NTM: variants seen among roughly 807,000 people sequenced by gnomAD.
The protein encoded by NTM is neurotrimin.
Under a neutral mutation model 42.1 loss-of-function variants are expected in NTM, and 13 were observed. The ratio of observed to expected loss-of-function variants is 0.31; its 90% CI spans 0.20 to 0.49. NTM has a LOEUF of 0.49. Ranked by LOEUF, NTM falls within the 20% of genes least tolerant of loss-of-function variation. NTM has a pLI of 0.99. For missense variants in NTM, 373 were observed against 452.8 expected, an observed-to-expected ratio of 0.82 and a Z score of 1.60; for synonymous variants, 187 against 179.2, an observed-to-expected ratio of 1.04 and a Z score of -0.35.
At chr11:131,477,876 A>G (rs183112173) in intron 1 of NTM, among the ~76,000 whole-genome samples, 269 of 151,052 alleles carry the variant, frequency 1.8e-3, no homozygotes, top group African/African-American at 6.3e-3. Flanking sequence ...CCTTACCTAC[A>G]ACGTTTAGCA....
chr11:132,039,746 A>G (rs2076951458), intron 2 of NTM, among the ~76,000 whole-genome samples: 1 of 152,306 alleles, frequency 6.6e-6, no homozygotes, highest in African/African-American at 2.4e-5. Context: ...ATAAGACAGC[A>G]GCAGGAATGT....
At chr11:131,845,603 G>A (rs930307582) in intron 1 of NTM, among the ~76,000 whole-genome samples, 1 of 150,732 alleles carries the variant, frequency 6.6e-6, no homozygotes, top group African/African-American at 2.4e-5. Context: ...TACCAGAGGC[G>A]AATCCATTCA....
intron 4 of NTM, among the ~76,000 whole-genome samples, chr11:132,257,229 G>A (rs1441944046): frequency 1.3e-5 from 2 of 152,212 alleles, no homozygotes; most frequent in Admixed American, 1.3e-4. Context: ...AGGGCATGGA[G>A]GAGAATCTTT....
chr11:131,965,427 C>T (rs562273895), intron 2 of NTM, among the ~76,000 whole-genome samples: 22 of 152,272 alleles, frequency 1.4e-4, no homozygotes, highest in Admixed American at 4.6e-4. Flanking sequence ...ATTGGAGGCA[C>T]ATAAAAGGGA....
At chr11:131,794,362 T>C in intron 1 of NTM, 1 of 361,036 alleles carries the variant, frequency 2.8e-6, no homozygotes, top group Non-Finnish European at 3.9e-6. Flanking sequence ...GTGATCCTCA[T>C]GTAATTGATC....
chr11:131,807,826 T>C (rs945391629), intron 1 of NTM, among the ~76,000 whole-genome samples: 7 of 152,238 alleles, frequency 4.6e-5, no homozygotes, highest in Admixed American at 3.3e-4. Context: ...CATGATCATA[T>C]ATGAAGTTAT....
chr11:131,497,857 T>C (rs1279516790), intron 1 of NTM, among the ~76,000 whole-genome samples: 2 of 152,242 alleles, frequency 1.3e-5, no homozygotes. Context: ...TAGTCATCCT[T>C]AGTCACCTGT....
intron 2 of NTM, among the ~76,000 whole-genome samples, chr11:132,127,817 G>T (rs2066108217): frequency 6.6e-6 from 1 of 152,194 alleles, no homozygotes; most frequent in Non-Finnish European, 1.5e-5. Context: ...TGAAGAAGTT[G>T]CTATTAATAG....
Position 132,146,351 on chromosome 11 carries a change from T to A in NTM, c.237T>A (p.Asn79Lys), listed in dbSNP as rs1395485338. The change falls in exon 3 of 9, where the codon AAT becomes AAA. Residue 79 changes from asparagine (N) to lysine (K), a missense_variant. This residue lies in a region of NTM where 312 missense variants were observed against 353.5 expected (regional missense o/e 0.88). Transcript: ENST00000683400. This position sits in a 1 kb window ranked among gnomAD's most constrained non-coding sequence, Gnocchi z 4.5. Reference sequence around the variant, plus strand: ...GCAGCACCATCCTCTATGCTGGGAATGACAAGTGGTGCCTGGATCCTCGCG... The same window carrying A: ...GCAGCACCATCCTCTATGCTGGGAAAGACAAGTGGTGCCTGGATCCTCGCG... ...LNRSTILYAGNDKWCLDPRVV... is the reference protein window; with the variant it reads ...LNRSTILYAGKDKWCLDPRVV... 6.2e-7 allele frequency: 1 copy of A among 1,614,166 alleles called. No homozygotes were observed. The highest frequency in any genetic ancestry group is 2.2e-5 in the East Asian group (1 of 44,868).
chr11:131,695,676 T>C (rs2075359392), intron 1 of NTM, among the ~76,000 whole-genome samples: 2 of 152,150 alleles, frequency 1.3e-5, no homozygotes, highest in Non-Finnish European at 2.9e-5. Flanking sequence ...CATGCCCACC[T>C]TGAGAACTAG....
intron 1 of NTM, among the ~76,000 whole-genome samples, chr11:131,504,574 C>G (rs1461257931): frequency 6.6e-6 from 1 of 152,160 alleles, no homozygotes; most frequent in Non-Finnish European, 1.5e-5. Flanking sequence ...CTGGGGTTCT[C>G]TCACCCACAG....
intron 3 of NTM, among the ~76,000 whole-genome samples, chr11:132,195,635 G>C (rs1271598949): frequency 6.6e-6 from 1 of 152,066 alleles, no homozygotes; most frequent in Non-Finnish European, 1.5e-5. Flanking sequence ...CAGGATAGAG[G>C]CCTCAGAAAT....
chr11:132,279,999 G>A (rs149098440), intron 4 of NTM, among the ~76,000 whole-genome samples: 17 of 152,190 alleles, frequency 1.1e-4, no homozygotes, highest in Non-Finnish European at 2.9e-5. Context: ...GAAACAGACC[G>A]CCATGGTAAA....
chr11:131,846,038 G>T (rs992356817), intron 1 of NTM, among the ~76,000 whole-genome samples: 3 of 152,146 alleles, frequency 2.0e-5, no homozygotes, highest in African/African-American at 7.2e-5. Context: ...TCTAATTATG[G>T]TTGTTAAGTT....
At position 131,508,787 on chromosome 11, in the gene NTM, A is replaced by G. The variant is rs1381755140; in HGVS notation, c.82+137899A>G. On this transcript the variant is annotated intron_variant, in intron 1 of 8. Transcript: ENST00000683400. ...ATTCTCAGTAAACTATCGCAAGAACAAAAAACCAAACACCGCATATTCTCA... is the reference window on the plus strand; with the variant it reads ...ATTCTCAGTAAACTATCGCAAGAACGAAAAACCAAACACCGCATATTCTCA... Among the ~76,000 whole-genome samples the G allele has an allele frequency of 3.8e-5, 3 of 79,706 alleles. No individual in the cohort carries two copies. In the East Asian group the frequency reaches 8.3e-4, roughly 22 times the overall value. 52.3% of individuals were successfully genotyped at this position (79,706 alleles called of 152,430 possible).
At chr11:131,879,168 G>GT (rs1406746704) in intron 1 of NTM, among the ~76,000 whole-genome samples, 1 of 152,156 alleles carries the variant, frequency 6.6e-6, no homozygotes, top group Non-Finnish European at 1.5e-5. Flanking sequence ...AACTTCATGT[G>GT]TATTCAGGCT....
At chr11:132,326,493 C>T (rs900416658) in intron 7 of NTM, among the ~76,000 whole-genome samples, 1 of 152,168 alleles carries the variant, frequency 6.6e-6, no homozygotes, top group Non-Finnish European at 1.5e-5. Flanking sequence ...GGCAAGGAGC[C>T]CCCATCTGCT....
rs762160558 is a variant in NTM, at chr11:132,002,117, A to G, written c.167+90469A>G. 6.6e-6 allele frequency among the ~76,000 whole-genome samples: 1 copy of G among 152,122 alleles called. No individual in the cohort carries two copies. The highest frequency in any genetic ancestry group is 1.5e-5 in the Non-Finnish European group (1 of 68,026). On this transcript the variant is annotated intron_variant, in intron 2 of 8. Transcript: ENST00000683400. The surrounding 1 kb of genome is among the most constrained non-coding windows in gnomAD (Gnocchi z 4.5). ...TGCTGTCCATGGCAACCGGGGCTGGAAATTATGCTGCCTGAAGAGGGTGGA... is the reference window on the plus strand; with the variant it reads ...TGCTGTCCATGGCAACCGGGGCTGGGAATTATGCTGCCTGAAGAGGGTGGA...
intron 1 of NTM, among the ~76,000 whole-genome samples, chr11:131,398,137 C>A (rs570962553): frequency 6.6e-6 from 1 of 152,068 alleles, no homozygotes; most frequent in Admixed American, 6.5e-5. Context: ...AAGTTAATAA[C>A]GATAAGACCT....
Sources: allele counts gnomAD v4.1 joint callset (sites outside exome capture counted in the v4.1 genomes callset), GRCh38; gene constraint gnomAD v4.1.1; regional missense constraint gnomAD v4.1.1; non-coding constraint Gnocchi (gnomAD v3.1); transcripts MANE v1.5; gene names NCBI Gene and HGNC (gene_info 2026-07-23, HGNC 2026-07-21).